CSMD3: variants seen among roughly 807,000 people sequenced by gnomAD.
CSMD3 encodes the protein CUB and Sushi multiple domains 3.
Under a neutral mutation model 435.2 loss-of-function variants are expected in CSMD3, and 177 were observed. That is an observed-to-expected ratio of 0.41 (90% CI 0.36 to 0.46). The LOEUF is 0.46. Ranked by LOEUF, CSMD3 falls within the 20% of genes least tolerant of loss-of-function variation. CSMD3 has a pLI of 0.34. For missense variants in CSMD3, 4,265 were observed against 4,504.6 expected (o/e 0.95, Z 1.52); for synonymous variants, 1,656 against 1,520.5 (o/e 1.09, Z -2.07).
At chr8:112,562,447 A>G (rs181071238) in intron 24 of CSMD3, among the ~76,000 whole-genome samples, 1 of 151,706 alleles carries the variant, frequency 6.6e-6, no homozygotes, top group East Asian at 1.9e-4. Flanking sequence ...TTAACGGTCA[A>G]TGAAGATATG....
intron 13 of CSMD3, among the ~76,000 whole-genome samples, chr8:112,739,612 C>G (rs1010657843): frequency 2.6e-5 from 4 of 151,632 alleles, no homozygotes; most frequent in Non-Finnish European, 4.4e-5. Context: ...AGAAATTTCT[C>G]ACATATAAGA....
At chr8:113,045,385 G>T (rs2087786968) in intron 5 of CSMD3, among the ~76,000 whole-genome samples, 1 of 148,654 alleles carries the variant, frequency 6.7e-6, no homozygotes, top group South Asian at 2.1e-4. Context: ...TTGTCTTTTT[G>T]TCCTAACACA....
intron 6 of CSMD3, among the ~76,000 whole-genome samples, chr8:113,011,114 T>C (rs2086241146): frequency 1.3e-5 from 2 of 151,676 alleles, no homozygotes; most frequent in African/African-American, 4.8e-5. Flanking sequence ...TTAATACATA[T>C]TGTTAACTCC....
At chr8:113,350,694 G>T (rs2094184362) in intron 1 of CSMD3, among the ~76,000 whole-genome samples, 1 of 151,966 alleles carries the variant, frequency 6.6e-6, no homozygotes, top group Admixed American at 6.6e-5. Context: ...TTTCTAAGTT[G>T]CTGCATTCTA....
At chr8:112,524,032 A>G (rs765024938) in intron 27 of CSMD3, among the ~76,000 whole-genome samples, 43 of 152,230 alleles carry the variant, frequency 2.8e-4, no homozygotes, top group Admixed American at 4.6e-4. Flanking sequence ...ATATGCATTT[A>G]TTACACCAAA....
intron 12 of CSMD3, among the ~76,000 whole-genome samples, chr8:112,821,666 T>C (rs1587393063): frequency 6.6e-6 from 1 of 152,334 alleles, no homozygotes; most frequent in Middle Eastern, 3.4e-3. Flanking sequence ...AGATCCCATT[T>C]GTCAATTTTG....
intron 1 of CSMD3, among the ~76,000 whole-genome samples, chr8:113,399,583 TCAGAATAGACAA>T (rs2094500429): frequency 6.6e-6 from 1 of 151,916 alleles, no homozygotes; most frequent in Non-Finnish European, 1.5e-5. Flanking sequence ...ACAAAAATTT[TCAGAATAGACAA>T]CATATAGAGA....
At chr8:112,853,694 A>G (rs967450627) in intron 11 of CSMD3, among the ~76,000 whole-genome samples, 3 of 152,194 alleles carry the variant, frequency 2.0e-5, no homozygotes, top group African/African-American at 7.2e-5. Context: ...ATCCAATCTA[A>G]CAGGTATTTC....
At chr8:112,874,723 C>A (rs1347804824) in intron 10 of CSMD3, among the ~76,000 whole-genome samples, 1 of 151,974 alleles carries the variant, frequency 6.6e-6, no homozygotes, top group Non-Finnish European at 1.5e-5. Context: ...AGGATTGCAA[C>A]CCCTGCTTTT....
At chr8:113,389,282 G>C (rs928717232) in intron 1 of CSMD3, among the ~76,000 whole-genome samples, 1 of 151,434 alleles carries the variant, frequency 6.6e-6, no homozygotes, top group Non-Finnish European at 1.5e-5. Flanking sequence ...TCCTCTTTAT[G>C]TTCTTCCTAA....
At chr8:113,410,954 AGAAGGGAGGGAGGGAGG>A (rs2094556784) in intron 1 of CSMD3, among the ~76,000 whole-genome samples, 4 of 147,028 alleles carry the variant, frequency 2.7e-5, no homozygotes, top group East Asian at 2.0e-4. Flanking sequence ...AGAAAGAAAG[AGAAGGGAGGGAGGGAGG>A]AAGAAAGGAA....
chr8:113,105,128 G>A (rs2090436300), intron 4 of CSMD3, among the ~76,000 whole-genome samples: 1 of 151,876 alleles, frequency 6.6e-6, no homozygotes, highest in Admixed American at 6.6e-5. Flanking sequence ...ATTAAATCAA[G>A]TAATAAACAT....
intron 1 of CSMD3, among the ~76,000 whole-genome samples, chr8:113,400,457 G>C (rs1037282320): frequency 6.6e-6 from 1 of 151,974 alleles, no homozygotes; most frequent in African/African-American, 2.4e-5. Context: ...AAAAAATGGA[G>C]TGATTATATT....
chr8:112,902,113 T>C (rs1456476785), intron 10 of CSMD3, among the ~76,000 whole-genome samples: 1 of 151,312 alleles, frequency 6.6e-6, no homozygotes, highest in Non-Finnish European at 1.5e-5. Flanking sequence ...TTTTGAGCTA[T>C]AAGTGTCTGT....
At position 113,165,490 on chromosome 8, in the gene CSMD3, C is replaced by G. The variant is rs73344369; in HGVS notation, c.709+8232G>C. Reference sequence around the variant, plus strand: ...AAAGCCTTCCCAGAAACAAAAGACTCAAAGTTACACAGAATTTGTGTAAGC... The same window carrying G: ...AAAGCCTTCCCAGAAACAAAAGACTGAAAGTTACACAGAATTTGTGTAAGC... On this transcript the variant is annotated intron_variant, in intron 4 of 70. Coordinates refer to ENST00000297405, the MANE Select transcript of CSMD3 (RefSeq NM_198123.2). 3.6e-3 allele frequency among the ~76,000 whole-genome samples: 542 copies of G among 152,092 alleles called. 3 individuals are homozygous for G. The highest frequency in any genetic ancestry group is 0.012 in the African/African-American group (505 of 41,520).
At chr8:112,366,204 T>C (rs1827768018) in intron 38 of CSMD3, among the ~76,000 whole-genome samples, 2 of 152,172 alleles carry the variant, frequency 1.3e-5, no homozygotes. Flanking sequence ...GGCATTCTGC[T>C]GGTTGACTTT....
chr8:112,735,001 A>G (rs2077156304), intron 13 of CSMD3, among the ~76,000 whole-genome samples: 1 of 151,978 alleles, frequency 6.6e-6, no homozygotes, highest in African/African-American at 2.4e-5. Flanking sequence ...GACTATCTCT[A>G]TTTGTCTCTT....
At chr8:112,953,780 TA>T in intron 8 of CSMD3, among the ~76,000 whole-genome samples, 1 of 151,524 alleles carries the variant, frequency 6.6e-6, no homozygotes, top group South Asian at 2.1e-4. Flanking sequence ...GTTAAAGAAA[TA>T]ATTATAAACT....
intron 16 of CSMD3, among the ~76,000 whole-genome samples, chr8:112,671,808 G>A (rs1459499155): frequency 6.6e-6 from 1 of 151,966 alleles, no homozygotes; most frequent in African/African-American, 2.4e-5. Flanking sequence ...CTTTACCATT[G>A]GTTTAGTGAA....
Sources: gnomAD v4.1 joint callset for allele counts (sites outside exome capture counted in the v4.1 genomes callset) on GRCh38, gnomAD v4.1.1 for gene constraint, MANE v1.5 for transcripts, NCBI Gene and HGNC (gene_info 2026-07-23, HGNC 2026-07-21) for gene names.